ALDH9A1: variants seen among roughly 807,000 people sequenced by gnomAD.
ALDH9A1 encodes the protein aldehyde dehydrogenase 9 family member A1.
ALDH9A1 carries 42 observed loss-of-function variants against 56.6 expected under a neutral mutation model. That is an observed-to-expected ratio of 0.74 (90% confidence interval 0.58 to 0.96). ALDH9A1 has a LOEUF of 0.96. ALDH9A1 is among the 40% of genes least tolerant of loss of function. The probability of loss-of-function intolerance (pLI) is 0.00; values close to 1 mark genes in which losing one functional copy is unlikely to be tolerated. For missense variants in ALDH9A1, 661 were observed against 651.5 expected, an observed-to-expected ratio of 1.01 and a Z score of -0.16; for synonymous variants, 242 against 236.0, an observed-to-expected ratio of 1.03 and a Z score of -0.23.
chr1:165,666,349 T>C (rs1402569687), intron 9 of ALDH9A1, among the ~76,000 whole-genome samples: 3 of 152,184 alleles, frequency 2.0e-5, no homozygotes, highest in Non-Finnish European at 4.4e-5. Flanking sequence ...CACAACTCCA[T>C]GAATAAACTA....
intron 1 of ALDH9A1, among the ~76,000 whole-genome samples, chr1:165,697,139 C>A (rs1650114865): frequency 6.6e-6 from 1 of 152,240 alleles, no homozygotes; most frequent in Non-Finnish European, 1.5e-5. Context: ...CCCCTTCTTC[C>A]TTATCTCTGT....
At chr1:165,693,207 A>T (rs924696893) in intron 2 of ALDH9A1, among the ~76,000 whole-genome samples, 8 of 152,164 alleles carry the variant, frequency 5.3e-5, no homozygotes, top group Admixed American at 6.5e-5. Context: ...AAGCCAAAAT[A>T]GACAAATGGG....
Position 165,668,766 on chromosome 1 carries a change from T to C in ALDH9A1, c.1207+160A>G, listed in dbSNP as rs546174954. The C allele has an allele frequency of 1.8e-5, 10 of 550,484 alleles. No homozygotes were observed. In the African/African-American group the frequency reaches 2.0e-4, roughly 11 times the overall value. 34.1% of individuals were successfully genotyped at this position (550,484 alleles called of 1,614,324 possible). On this transcript the variant is annotated intron_variant, in intron 8 of 10. Coordinates refer to ENST00000354775, the MANE Select transcript of ALDH9A1 (RefSeq NM_000696.4). ...CTAAAGGAGGGGCACACAGAAGGCTTCAAAGATAATGGAGCAGTTCTACTT... is the reference window on the plus strand; with the variant it reads ...CTAAAGGAGGGGCACACAGAAGGCTCCAAAGATAATGGAGCAGTTCTACTT...
At chr1:165,691,510 T>C (rs1313912854) in intron 2 of ALDH9A1, among the ~76,000 whole-genome samples, 3 of 152,106 alleles carry the variant, frequency 2.0e-5, no homozygotes, top group African/African-American at 4.8e-5. Flanking sequence ...TCACCAGCAA[T>C]GGAACAAAGC....
intron 2 of ALDH9A1, among the ~76,000 whole-genome samples, chr1:165,683,759 A>G (rs546889034): frequency 2.7e-4 from 41 of 152,344 alleles, no homozygotes; most frequent in African/African-American, 9.9e-4. Flanking sequence ...TCTGGGCTCC[A>G]CAACTTACTA....
intron 9 of ALDH9A1, among the ~76,000 whole-genome samples, chr1:165,665,423 A>T (rs1558001159): frequency 6.6e-6 from 1 of 152,180 alleles, no homozygotes; most frequent in African/African-American, 2.4e-5. Context: ...TACATGCAAA[A>T]AATAAAGGTG....
chr1:165,670,760 C>T (rs566086727), intron 6 of ALDH9A1, among the ~76,000 whole-genome samples: 3 of 152,040 alleles, frequency 2.0e-5, no homozygotes, highest in East Asian at 1.9e-4. Context: ...TTGAAAAAGA[C>T]GTTCAATGTC....
chr1:165,696,155 C>A lies in ALDH9A1; in HGVS notation c.182-758G>T, dbSNP rs574255856. 1.8e-4 allele frequency among the ~76,000 whole-genome samples: 27 copies of A among 152,154 alleles called. No individual in the cohort carries two copies. The South Asian group carries it at 5.6e-3, about 32-fold the overall frequency. On this transcript the variant is annotated intron_variant, in intron 1 of 10. Transcript: ENST00000354775. The stretch of plus-strand genomic sequence containing the variant: ...CCATGAGCCACCACACCCGGCCTAG[C>A]AGTTCTTAACTGTATTTTGCGGTCA...
intron 10 of ALDH9A1, among the ~76,000 whole-genome samples, chr1:165,663,525 G>T (rs1447993753): frequency 2.0e-5 from 3 of 152,120 alleles, no homozygotes; most frequent in Non-Finnish European, 4.4e-5. Context: ...TACACAATAG[G>T]CTTATTCACC....
In ALDH9A1 at chr1:165,672,163, C is replaced by T. The variant is rs111704738; in HGVS notation, c.931-2713G>A. 1.7e-3 allele frequency among the ~76,000 whole-genome samples: 253 copies of T among 152,264 alleles called. 2 individuals are homozygous for T. Among genetic ancestry groups the T allele is most frequent in the African/African-American group, 5.9e-3 (245 of 41,550 alleles). On this transcript the variant is annotated intron_variant, in intron 6 of 10. Transcript: ENST00000354775. ...GATACTTCTACTATAGATATCTGTA[C>T]ATCAATGTTCATAGCAACATTATTC...
intron 2 of ALDH9A1, among the ~76,000 whole-genome samples, chr1:165,686,528 A>AAAC (rs71100853): frequency 6.7e-4 from 102 of 151,212 alleles, no homozygotes; most frequent in South Asian, 1.7e-3. Context: ...TAAAAAAAAA[A>AAAC]GCCCCAGAAC....
chr1:165,691,428 A>G (rs1649886175), intron 2 of ALDH9A1, among the ~76,000 whole-genome samples: 1 of 152,250 alleles, frequency 6.6e-6, no homozygotes, highest in Admixed American at 6.5e-5. Context: ...AAAGATGGGG[A>G]GAAACCAGAA....
intron 1 of ALDH9A1, 75 bp downstream of exon 1, chr1:165,698,303 G>C: frequency 1.3e-6 from 2 of 1,525,866 alleles, no homozygotes; most frequent in Admixed American, 4.5e-5. Flanking sequence ...GCAGAACACA[G>C]GAAACGGGGG....
intron 1 of ALDH9A1, 145 bp downstream of exon 1, chr1:165,698,233 T>C (rs1012753028): frequency 2.7e-5 from 38 of 1,381,876 alleles, no homozygotes; most frequent in Non-Finnish European, 3.4e-5. Flanking sequence ...GAATCGCTAG[T>C]TGCCTACACA....
intron 6 of ALDH9A1, among the ~76,000 whole-genome samples, chr1:165,670,396 C>T (rs1165616333): frequency 1.3e-5 from 2 of 151,556 alleles, no homozygotes; most frequent in African/African-American, 4.9e-5. Flanking sequence ...CTGACTGCGT[C>T]ACTGCACTCC....
intron 3 of ALDH9A1, 58 bp from the exon 4 acceptor site, chr1:165,682,299 A>C: frequency 6.3e-7 from 1 of 1,575,224 alleles, no homozygotes; most frequent in Non-Finnish European, 8.7e-7. Flanking sequence ...AGATTTCACC[A>C]ACATCTGTAC....
At chr1:165,695,546 A>C in intron 1 of ALDH9A1, 149 bp from the exon 2 acceptor site, 1 of 796,590 alleles carries the variant, frequency 1.3e-6, no homozygotes, top group Non-Finnish European at 1.7e-6. Context: ...CCCAGGCTGG[A>C]GTGCAGTGGC....
Position 165,679,464 on chromosome 1 carries a change from GC to G in ALDH9A1, c.907del (p.Ala303ProfsTer31). On this transcript the variant is annotated frameshift_variant, in exon 6 of 11. Transcript: ENST00000354775. LOFTEE classifies it high-confidence loss of function. The stretch of plus-strand genomic sequence containing the variant: ...TACCTGGCCTTGTGTGAGGAAGTTG[GC>G]CATCAGCGCCCCCTTTACAGCATTG... ...MNNAVKGALM[A>X]NFLTQGQVCC... The G allele has an allele frequency of 6.2e-7, 1 of 1,614,138 alleles. No homozygotes were observed. The highest frequency in any genetic ancestry group is 1.1e-5 in the South Asian group (1 of 91,078).
In ALDH9A1 at chr1:165,665,063, T is replaced by C; in HGVS notation, c.1417A>G (p.Asn473Asp). 4 of 1,613,986 alleles carry C rather than the reference T, an allele frequency of 2.5e-6. No homozygotes were observed. The highest frequency in any genetic ancestry group is 3.4e-6 in the Non-Finnish European group (4 of 1,179,930). The change falls in exon 10 of 11, where the codon AAC becomes GAC. Residue 473 changes from asparagine to aspartate, a missense_variant. Physicochemically the swap from Asn to Asp is conservative, Grantham distance 23 (BLOSUM62 1). Transcript: ENST00000354775. ...AAGGGCAACTCCACTGGGCTGACGT[T>C]ATAGTTGTTAATGAAGCACGTCCCA... ...QAGTCFINNY[N>D]VSPVELPFGG...
Sources: gnomAD v4.1 joint callset for allele counts (sites outside exome capture counted in the v4.1 genomes callset) on GRCh38, gnomAD v4.1.1 for gene constraint, MANE v1.5 for transcripts, NCBI Gene and HGNC (gene_info 2026-07-23, HGNC 2026-07-21) for gene names.